Variants in TSPAN14 observed in about 807,000 individuals in gnomAD.
TSPAN14 encodes tetraspanin 14.
In TSPAN14, 16 loss-of-function variants were observed where a neutral mutation model predicts 36.6. That is an observed-to-expected ratio of 0.44 (90% CI 0.30 to 0.66). The LOEUF is 0.66. Ranked by LOEUF, TSPAN14 falls within the 30% of genes least tolerant of loss-of-function variation. The pLI is 0.12. For missense variants in TSPAN14, 231 were observed against 355.1 expected (o/e 0.65, Z 2.81); for synonymous variants, 139 against 143.8 (o/e 0.97, Z 0.24).
intron 1 of TSPAN14, among the ~76,000 whole-genome samples, chr10:80,454,830 A>C (rs7098414): frequency 0.8 from 121,849 of 152,026 alleles, 49,353 homozygotes; most frequent in East Asian, 0.98. Context: ...CTCGGCTCCC[A>C]GGAGATCGGG....
chr10:80,457,001 G>T (rs779940958), intron 1 of TSPAN14, among the ~76,000 whole-genome samples: 14 of 152,090 alleles, frequency 9.2e-5, no homozygotes, highest in Non-Finnish European at 1.9e-4. Context: ...GGTGGAGGTT[G>T]CAGTGAGCTG....
chr10:80,483,706 C>T (rs775872034), intron 1 of TSPAN14, among the ~76,000 whole-genome samples: 49 of 151,630 alleles, frequency 3.2e-4, no homozygotes, highest in Admixed American at 3.0e-3. Context: ...GTCAGTAGTT[C>T]GAGATCAGCC....
intron 1 of TSPAN14, among the ~76,000 whole-genome samples, chr10:80,462,912 C>CT (rs1846053846): frequency 6.6e-6 from 1 of 152,164 alleles, no homozygotes; most frequent in East Asian, 1.9e-4. Context: ...AGAAGGGTCC[C>CT]TGTGGATGCC....
At chr10:80,490,385 G>A (rs1847859537) in intron 2 of TSPAN14, among the ~76,000 whole-genome samples, 1 of 152,164 alleles carries the variant, frequency 6.6e-6, no homozygotes, top group African/African-American at 2.4e-5. Context: ...TGAATATTGA[G>A]CCCTAGGATG....
intron 1 of TSPAN14, among the ~76,000 whole-genome samples, chr10:80,462,691 C>T (rs1312296953): frequency 6.6e-6 from 1 of 152,186 alleles, no homozygotes; most frequent in Admixed American, 6.5e-5. Context: ...CTCCATTTTG[C>T]AGCTTCCATT....
chr10:80,501,034 G>A (rs1422608018), intron 2 of TSPAN14, among the ~76,000 whole-genome samples: 1 of 151,804 alleles, frequency 6.6e-6, no homozygotes, highest in Non-Finnish European at 1.5e-5. Flanking sequence ...TCACCTAGGA[G>A]AACAAAACAA....
At chr10:80,498,616 A>G (rs1417597195) in intron 2 of TSPAN14, among the ~76,000 whole-genome samples, 3 of 152,116 alleles carry the variant, frequency 2.0e-5, no homozygotes, top group Non-Finnish European at 2.9e-5. Context: ...GGTACAGAAC[A>G]CCAGTGTCAA....
chr10:80,516,759 T>C (rs1840962841), intron 8 of TSPAN14, among the ~76,000 whole-genome samples: 1 of 152,196 alleles, frequency 6.6e-6, no homozygotes, highest in Non-Finnish European at 1.5e-5. Context: ...GTGTGTGCAC[T>C]TGCCCCAGGA....
chr10:80,479,954 C>A (rs1001282696), intron 1 of TSPAN14, among the ~76,000 whole-genome samples: 1 of 142,578 alleles, frequency 7.0e-6, no homozygotes, highest in African/African-American at 2.7e-5. Flanking sequence ...TTGTTTGTAT[C>A]CTCTTTTATT....
At chr10:80,455,234 G>T (rs1405457334) in intron 1 of TSPAN14, among the ~76,000 whole-genome samples, 1 of 152,148 alleles carries the variant, frequency 6.6e-6, no homozygotes, top group Non-Finnish European at 1.5e-5. Context: ...GATCTCCGGC[G>T]AGAAACAGTC....
At chr10:80,490,756 C>T (rs1371717270) in intron 2 of TSPAN14, among the ~76,000 whole-genome samples, 1 of 152,140 alleles carries the variant, frequency 6.6e-6, no homozygotes, top group Non-Finnish European at 1.5e-5. Flanking sequence ...AAAATTTGGA[C>T]ACTGGCTGGA....
chr10:80,486,065 G>T (rs1564726418), intron 1 of TSPAN14, among the ~76,000 whole-genome samples: 2 of 152,148 alleles, frequency 1.3e-5, no homozygotes, highest in African/African-American at 4.8e-5. Flanking sequence ...GAGTGTTGAT[G>T]TTACCAGGGG....
Position 80,509,592 on chromosome 10 carries a change from C to A in TSPAN14, c.450+121C>A. 9.3e-7 allele frequency: 1 copy of A among 1,079,116 alleles called. No individual in the cohort carries two copies. The highest frequency in any genetic ancestry group is 1.3e-6 in the Non-Finnish European group (1 of 761,164). The allele number at this position is 1,079,116 out of a possible 1,614,324, so 66.8% of individuals were successfully genotyped here. On this transcript the variant is annotated intron_variant, in intron 5 of 8. Coordinates refer to ENST00000429989, the Ensembl canonical transcript of TSPAN14. This position sits in a 1 kb window ranked among gnomAD's most constrained non-coding sequence, Gnocchi z 4.7. ...TGTCTGCCTGCAGCTTGGCAGACAG[C>A]AGGGAGGCCGTGGAACAAGCCACTC...
chr10:80,476,321 G>GT (rs1458575761), intron 1 of TSPAN14, among the ~76,000 whole-genome samples: 2 of 151,828 alleles, frequency 1.3e-5, no homozygotes, highest in East Asian at 3.9e-4. Context: ...AGTGAGCCCA[G>GT]TTTGCGCCAT....
chr10:80,473,023 TC>T (rs1307216347), intron 1 of TSPAN14, among the ~76,000 whole-genome samples: 1 of 152,200 alleles, frequency 6.6e-6, no homozygotes, highest in Non-Finnish European at 1.5e-5. Flanking sequence ...TGTGAAGCCT[TC>T]CTTTCCCCCA....
chr10:80,480,575 A>G (rs1672169196), intron 1 of TSPAN14, among the ~76,000 whole-genome samples: 1 of 152,210 alleles, frequency 6.6e-6, no homozygotes, highest in South Asian at 2.1e-4. Context: ...TGTGGCACAT[A>G]TACACCATGG....
At chr10:80,504,660 C>A in intron 2 of TSPAN14, 68 bp from the exon 3 acceptor site, 1 of 1,598,186 alleles carries the variant, frequency 6.3e-7, no homozygotes, top group South Asian at 1.1e-5. Flanking sequence ...GGACTTTGCT[C>A]TGTGAAGCAT....
At chr10:80,482,358 C>G (rs1188452885) in intron 1 of TSPAN14, among the ~76,000 whole-genome samples, 1 of 152,038 alleles carries the variant, frequency 6.6e-6, no homozygotes, top group African/African-American at 2.4e-5. Flanking sequence ...GCAATCTCAG[C>G]TCACTGCAAC....
At chr10:80,520,795 T>G (rs76479920) in exon 9 of TSPAN14, 10,514 of 533,402 alleles carry the variant, frequency 0.02, 875 homozygotes, top group African/African-American at 0.18. Context: ...CTTATCCCAA[T>G]TGTCAACTCT....
Sources: gnomAD v4.1 joint callset for allele counts (sites outside exome capture counted in the v4.1 genomes callset) on GRCh38, gnomAD v4.1.1 for gene constraint, Gnocchi (gnomAD v3.1) non-coding constraint, MANE v1.5 for transcripts, NCBI Gene and HGNC (gene_info 2026-07-23, HGNC 2026-07-21) for gene names.